QSER1: variants seen among roughly 807,000 people sequenced by gnomAD.
The protein encoded by QSER1 is glutamine and serine rich 1, also known as glutamine and serine-rich protein 1.
QSER1 carries 49 observed loss-of-function variants against 158.5 expected under a neutral mutation model. That is an observed-to-expected ratio of 0.31 (90% CI 0.25 to 0.39). The LOEUF (loss-of-function observed/expected upper bound fraction) is 0.39, where lower values mean the gene tolerates loss of function less well. Among genes scored for constraint, QSER1 ranks in the 10% least tolerant of loss-of-function variants. QSER1 has a pLI of 1.00. For missense variants in QSER1, 1,754 were observed against 2,010.3 expected, an observed-to-expected ratio of 0.87 and a Z score of 2.44; for synonymous variants, 650 against 715.5, an observed-to-expected ratio of 0.91 and a Z score of 1.46.
Position 32,976,665 on chromosome 11 carries a change from C to T in QSER1, c.*191C>T. On this transcript the variant is annotated 3_prime_UTR_variant, in exon 13 of 13. Transcript: ENST00000650167. ...CGAAGTTAGTCCTCTGGAAATGGACCTAAATCCCACCACATTTTTACCCTA... is the reference window on the plus strand; with the variant it reads ...CGAAGTTAGTCCTCTGGAAATGGACTTAAATCCCACCACATTTTTACCCTA... 1 of 540,098 alleles carries T rather than the reference C, an allele frequency of 1.9e-6. No homozygotes were observed. The highest frequency in any genetic ancestry group is 2.5e-5 in the South Asian group (1 of 39,264). 33.5% of individuals were successfully genotyped at this position (540,098 alleles called of 1,614,324 possible).
At chr11:32,958,570 T>C (rs2133589193) in intron 8 of QSER1, among the ~76,000 whole-genome samples, 1 of 152,228 alleles carries the variant, frequency 6.6e-6, no homozygotes, top group African/African-American at 2.4e-5. Flanking sequence ...TTTTAAGATA[T>C]GGGCTCTTGC....
chr11:32,953,821 G>A lies in QSER1; in HGVS notation c.4178-36G>A, dbSNP rs1169116152. 4.5e-6 allele frequency: 7 copies of A among 1,565,928 alleles called. No individual in the cohort carries two copies. In the Admixed American group the frequency reaches 5.7e-5, roughly 13 times the overall value. ...ACACAAAACAAGTGTTTAAATATTT[G>A]TAATACTGATTTGCATTTGCTTGGT... On this transcript the variant is annotated intron_variant, in intron 4 of 12. Transcript: ENST00000650167.
chr11:32,962,564 G>T (rs921496012), intron 8 of QSER1, among the ~76,000 whole-genome samples: 1 of 151,964 alleles, frequency 6.6e-6, no homozygotes, highest in African/African-American at 2.4e-5. Context: ...CTCAGCTTTT[G>T]TTCACATAGA....
intron 3 of QSER1, among the ~76,000 whole-genome samples, chr11:32,929,262 C>G (rs1852014342): frequency 6.6e-6 from 1 of 152,088 alleles, no homozygotes; most frequent in African/African-American, 2.4e-5. Flanking sequence ...CAGGCATGCA[C>G]CACCACGCCC....
chr11:32,964,195 G>A (rs1301464325), intron 8 of QSER1, among the ~76,000 whole-genome samples: 1 of 151,482 alleles, frequency 6.6e-6, no homozygotes, highest in East Asian at 2.0e-4. Context: ...GGCTGGTCTT[G>A]AACTCCTGAC....
chr11:32,970,095 C>T (rs1852824673), intron 10 of QSER1, among the ~76,000 whole-genome samples: 1 of 152,180 alleles, frequency 6.6e-6, no homozygotes, highest in South Asian at 2.1e-4. Flanking sequence ...TATAATATCA[C>T]ATCAAGAATC....
Position 32,976,659 on chromosome 11 carries a change from A to G in QSER1, c.*185A>G, listed in dbSNP as rs890457812. 8.6e-6 allele frequency: 5 copies of G among 578,426 alleles called. No homozygotes were observed. The highest frequency in any genetic ancestry group is 6.0e-6 in the Non-Finnish European group (2 of 332,916). The allele number at this position is 578,426 out of a possible 1,614,324, so 35.8% of individuals were successfully genotyped here. On this transcript the variant is annotated 3_prime_UTR_variant, in exon 13 of 13. Transcript: ENST00000650167. ...TAGGAACGAAGTTAGTCCTCTGGAA[A>G]TGGACCTAAATCCCACCACATTTTT...
chr11:32,956,189 AAAGGAGC>A, intron 7 of QSER1, 68 bp downstream of exon 7: 1 of 1,324,516 alleles, frequency 7.5e-7, no homozygotes, highest in Non-Finnish European at 1.1e-6. Context: ...ACCAATGTAC[AAAGGAGC>A]ATATCAATTA....
Position 32,893,149 on chromosome 11 carries a change from G to C in QSER1, c.24G>C (p.Ser8=), listed in dbSNP as rs558561783. MDRNYAT[S]GFTEPPPPPP... is the part of the protein sequence containing the mutation. ...CGATGGACAGGAACTACGCGACCTC[G>C]GGCTTCACCGAGCCGCCGCCGCCGC... The change falls in exon 1 of 13, where the codon TCG becomes TCC. Residue 8 remains serine, a synonymous_variant. Transcript: ENST00000650167. This position sits in a 1 kb window ranked among gnomAD's most constrained non-coding sequence, Gnocchi z 4.7. 4,301 of 135,052 alleles carry C rather than the reference G, an allele frequency of 0.032. 220 individuals are homozygous for C. The highest frequency in any genetic ancestry group is 0.11 in the African/African-American group (4,022 of 36,170). 8.4% of individuals were successfully genotyped at this position (135,052 alleles called of 1,614,324 possible).
intron 4 of QSER1, among the ~76,000 whole-genome samples, chr11:32,943,784 G>T (rs1187860727): frequency 6.6e-6 from 1 of 152,070 alleles, no homozygotes; most frequent in African/African-American, 2.4e-5. Flanking sequence ...TTTTTCTATT[G>T]ATTGCAATAG....
chr11:32,946,056 C>T (rs1196495389), intron 4 of QSER1, among the ~76,000 whole-genome samples: 73 of 152,208 alleles, frequency 4.8e-4, no homozygotes, highest in Middle Eastern at 3.4e-3. Flanking sequence ...GCATTCTTCA[C>T]GTAGTTCTCG....
chr11:32,959,479 A>G (rs966061979), intron 8 of QSER1, among the ~76,000 whole-genome samples: 4 of 152,218 alleles, frequency 2.6e-5, no homozygotes, highest in African/African-American at 9.6e-5. Flanking sequence ...GTGAAATTTA[A>G]ATTTGAATTA....
chr11:32,955,913 AG>A (rs1263982128), intron 6 of QSER1, 74 bp from the exon 7 acceptor site: 2 of 1,357,494 alleles, frequency 1.5e-6, no homozygotes, highest in African/African-American at 1.5e-5. Context: ...GCTATGGGAT[AG>A]TCAATTGAAC....
intron 11 of QSER1, among the ~76,000 whole-genome samples, chr11:32,974,258 C>G (rs1438694541): frequency 1.3e-5 from 2 of 151,814 alleles, no homozygotes; most frequent in East Asian, 3.9e-4. Flanking sequence ...CCATGTCTAC[C>G]CTGGGGGGAG....
At chr11:32,909,914 A>G (rs1223151885) in intron 1 of QSER1, among the ~76,000 whole-genome samples, 1 of 152,164 alleles carries the variant, frequency 6.6e-6, no homozygotes, top group East Asian at 1.9e-4. Context: ...GTTGTGTAGC[A>G]GGTAGCTATG....
chr11:32,900,290 G>A (rs185573353), intron 1 of QSER1, among the ~76,000 whole-genome samples: 10 of 152,264 alleles, frequency 6.6e-5, no homozygotes, highest in Non-Finnish European at 1.2e-4. Context: ...GGTCAGGTGT[G>A]GTGACTCATA....
intron 1 of QSER1, among the ~76,000 whole-genome samples, chr11:32,898,330 G>GA (rs1365984007): frequency 2.0e-5 from 3 of 152,008 alleles, no homozygotes; most frequent in Admixed American, 2.0e-4. Context: ...AAAATAAATA[G>GA]AAAAAATTAG....
At chr11:32,902,500 T>C (rs1320254392) in intron 1 of QSER1, among the ~76,000 whole-genome samples, 6 of 152,210 alleles carry the variant, frequency 3.9e-5, no homozygotes, top group Non-Finnish European at 8.8e-5. Flanking sequence ...GACATTCTTA[T>C]CTCCTTAAAT....
At chr11:32,908,898 G>T (rs191397190) in intron 1 of QSER1, among the ~76,000 whole-genome samples, 1 of 152,130 alleles carries the variant, frequency 6.6e-6, no homozygotes, top group African/African-American at 2.4e-5. Flanking sequence ...AGTGATTCAC[G>T]CCTGTAATCC....
Sources: gnomAD v4.1 joint callset for allele counts (sites outside exome capture counted in the v4.1 genomes callset) on GRCh38, gnomAD v4.1.1 for gene constraint, Gnocchi (gnomAD v3.1) non-coding constraint, MANE v1.5 for transcripts, NCBI Gene and HGNC (gene_info 2026-07-23, HGNC 2026-07-21) for gene names.